The following DAB2IP variants were observed in gnomAD, a reference collection of about 807,000 sequenced individuals.
DAB2IP encodes the protein DAB2 interacting protein.
Under a neutral mutation model 107.2 loss-of-function variants are expected in DAB2IP, and 28 were observed. The observed-to-expected ratio is 0.26, with a 90% confidence interval of 0.19 to 0.36. DAB2IP has a LOEUF of 0.36. Among genes scored for constraint, DAB2IP ranks in the 10% least tolerant of loss-of-function variants. The pLI is 1.00. For synonymous variants in DAB2IP, 755 were observed against 706.4 expected (o/e 1.07, Z -1.09); for missense variants, 1,400 against 1,644.7 (o/e 0.85, Z 2.57).
intron 3 of DAB2IP, among the ~76,000 whole-genome samples, chr9:121,727,564 C>T (rs1831299879): frequency 6.6e-6 from 1 of 152,148 alleles, no homozygotes; most frequent in East Asian, 1.9e-4. Context: ...GATGGGAAGG[C>T]CCAACAGGAG....
intron 1 of DAB2IP, among the ~76,000 whole-genome samples, chr9:121,658,587 G>C (rs1833067074): frequency 6.6e-6 from 1 of 152,186 alleles, no homozygotes; most frequent in South Asian, 2.1e-4. Context: ...CCTTCAGTTT[G>C]GAAGCAGCTC....
chr9:121,734,976 G>A (rs1006965268), intron 3 of DAB2IP, among the ~76,000 whole-genome samples: 13 of 152,192 alleles, frequency 8.5e-5, no homozygotes, highest in Non-Finnish European at 1.3e-4. Context: ...CTCTGCTTTC[G>A]CCTTCCTTGT....
intron 1 of DAB2IP, among the ~76,000 whole-genome samples, chr9:121,668,907 CTTTTTTT>C (rs377320590): frequency 5.5e-5 from 4 of 72,154 alleles, no homozygotes; most frequent in Non-Finnish European, 7.3e-5. Flanking sequence ...GTAAGCCTTA[CTTTTTTT>C]TTTTTTTTTT....
intron 8 of DAB2IP, among the ~76,000 whole-genome samples, chr9:121,765,074 CA>C (rs1181493349): frequency 6.6e-6 from 1 of 152,164 alleles, no homozygotes; most frequent in African/African-American, 2.4e-5. Flanking sequence ...TTGCCTGGGC[CA>C]AATGGGCACC....
At chr9:121,730,757 G>C (rs193218405) in intron 3 of DAB2IP, among the ~76,000 whole-genome samples, 3 of 152,200 alleles carry the variant, frequency 2.0e-5, no homozygotes, top group Non-Finnish European at 2.9e-5. Context: ...GTGTGACTGG[G>C]AGCAAAGAAC....
chr9:121,567,463 G>A (rs1829833009), intron 1 of DAB2IP, among the ~76,000 whole-genome samples: 1 of 152,190 alleles, frequency 6.6e-6, no homozygotes, highest in Non-Finnish European at 1.5e-5. Flanking sequence ...CCAGGGGAGG[G>A]AGAGAGAGTT....
At chr9:121,711,858 T>A (rs1167139762) in intron 3 of DAB2IP, among the ~76,000 whole-genome samples, 3 of 152,104 alleles carry the variant, frequency 2.0e-5, no homozygotes, top group African/African-American at 7.2e-5. Context: ...TAGGGGTTTA[T>A]TCCCCTTTTT....
At chr9:121,774,975 T>C (rs951812170) in intron 13 of DAB2IP, among the ~76,000 whole-genome samples, 8 of 152,122 alleles carry the variant, frequency 5.3e-5, no homozygotes, top group African/African-American at 1.7e-4. Flanking sequence ...ATTGAGATGT[T>C]TTCTTCCCCA....
intron 2 of DAB2IP, among the ~76,000 whole-genome samples, chr9:121,681,672 C>G (rs890197444): frequency 6.6e-6 from 1 of 152,146 alleles, no homozygotes; most frequent in Non-Finnish European, 1.5e-5. Flanking sequence ...TCAGGACTGC[C>G]GGACATCTAC....
intron 1 of DAB2IP, among the ~76,000 whole-genome samples, chr9:121,669,271 G>A (rs566709577): frequency 2.6e-5 from 4 of 152,124 alleles, no homozygotes; most frequent in Non-Finnish European, 5.9e-5. Flanking sequence ...AGATTGACAA[G>A]CAATTGCAAA....
chr9:121,697,545 C>T (rs1829488209), intron 2 of DAB2IP, among the ~76,000 whole-genome samples: 1 of 152,202 alleles, frequency 6.6e-6, no homozygotes, highest in Non-Finnish European at 1.5e-5. Flanking sequence ...GACCTGCCAC[C>T]GTTTGGGGTC....
intron 5 of DAB2IP, among the ~76,000 whole-genome samples, chr9:121,759,280 C>G (rs1362361563): frequency 6.6e-6 from 1 of 152,328 alleles, no homozygotes; most frequent in South Asian, 2.1e-4. Context: ...CCCCTTGTCC[C>G]TACTCCCCAG....
rs992753753 is a variant in DAB2IP at position 121,701,586 on chromosome 9, A to G, written c.362+2128A>G. On this transcript the variant is annotated intron_variant, in intron 3 of 15. Coordinates refer to ENST00000408936, the Ensembl canonical transcript of DAB2IP. The surrounding 1 kb of genome is among the most constrained non-coding windows in gnomAD (Gnocchi z 4.7). ...GAAAGACTGGGTTTGAAATCTCTCT[A>G]CCCAGCCTTGGAGCTGAAATAGGCT... 1.3e-5 allele frequency among the ~76,000 whole-genome samples: 2 copies of G among 152,068 alleles called. No homozygotes were observed. Among genetic ancestry groups the G allele is most frequent in the Non-Finnish European group, 2.9e-5 (2 of 68,014 alleles).
At chr9:121,628,297 G>C (rs540088294) in intron 1 of DAB2IP, among the ~76,000 whole-genome samples, 155 of 151,900 alleles carry the variant, frequency 1.0e-3, no homozygotes, top group African/African-American at 3.5e-3. Flanking sequence ...GATTAGGTGG[G>C]CCCCCCCCAT....
intron 3 of DAB2IP, among the ~76,000 whole-genome samples, chr9:121,719,212 AG>A (rs1031312420): frequency 2.6e-5 from 4 of 152,340 alleles, no homozygotes; most frequent in Admixed American, 2.6e-4. Flanking sequence ...ACAGATGGGC[AG>A]CTGAGGCCAG....
intron 3 of DAB2IP, among the ~76,000 whole-genome samples, chr9:121,728,149 GAGGCCCTGGGTTCT>G (rs942363595): frequency 2.2e-4 from 33 of 152,286 alleles, no homozygotes; most frequent in African/African-American, 7.7e-4. Context: ...CCCAGGGCAG[GAGGCCCTGGGTTCT>G]AGGCCCTTGT....
intron 1 of DAB2IP, among the ~76,000 whole-genome samples, chr9:121,610,368 C>T (rs886721456): frequency 1.3e-5 from 2 of 152,284 alleles, no homozygotes; most frequent in East Asian, 1.9e-4. Flanking sequence ...ACCAGCCACT[C>T]GGCTCATCAG....
chr9:121,781,574 C>A, intron 15 of DAB2IP, 23 bp downstream of exon 15: 1 of 1,610,744 alleles, frequency 6.2e-7, no homozygotes, highest in South Asian at 1.1e-5. Flanking sequence ...GCCCTTTGGT[C>A]AGCCACAAGA....
chr9:121,756,557 G>T (rs911925022), intron 3 of DAB2IP, among the ~76,000 whole-genome samples: 1 of 152,206 alleles, frequency 6.6e-6, no homozygotes, highest in Non-Finnish European at 1.5e-5. Flanking sequence ...AGGGCTGTTG[G>T]CAGTGGTATG....
Sources: allele counts gnomAD v4.1 joint callset (sites outside exome capture counted in the v4.1 genomes callset), GRCh38; gene constraint gnomAD v4.1.1; non-coding constraint Gnocchi (gnomAD v3.1); transcripts MANE v1.5; gene names NCBI Gene and HGNC (gene_info 2026-07-23, HGNC 2026-07-21).